Variants in RAB2A observed in about 807,000 individuals in gnomAD.
The protein encoded by RAB2A is ras-related protein Rab-2A.
A neutral mutation model predicts 32.5 loss-of-function variants in RAB2A; 7 were observed. That is an observed-to-expected ratio of 0.22 (90% CI 0.12 to 0.40). RAB2A has a LOEUF of 0.40. Ranked by LOEUF, RAB2A falls within the 10% of genes least tolerant of loss-of-function variation. The pLI, the probability that RAB2A is intolerant of heterozygous loss-of-function variation, is 1.00. For missense variants in RAB2A, 108 were observed against 260.7 expected, an observed-to-expected ratio of 0.41 and a Z score of 4.03; for synonymous variants, 79 against 85.2, an observed-to-expected ratio of 0.93 and a Z score of 0.40.
intron 1 of RAB2A, among the ~76,000 whole-genome samples, chr8:60,544,029 TC>T (rs1219930091): frequency 1.5e-5 from 2 of 133,484 alleles, no homozygotes; most frequent in Non-Finnish European, 3.1e-5. Flanking sequence ...GCCACTGCAC[TC>T]CAGCCTGGGT....
intron 1 of RAB2A, among the ~76,000 whole-genome samples, chr8:60,517,473 C>T (rs945667474): frequency 6.4e-4 from 97 of 152,180 alleles, no homozygotes; most frequent in Admixed American, 1.7e-3. Flanking sequence ...GCCAGTCTTG[C>T]AGCTGAGGGC....
chr8:60,584,954 C>T, intron 5 of RAB2A, 139 bp downstream of exon 5: 1 of 512,362 alleles, frequency 2.0e-6, no homozygotes, highest in South Asian at 4.3e-5. Flanking sequence ...TAAGGTGTTT[C>T]TTTTGATTTT....
chr8:60,583,706 C>G (rs1043452944), intron 3 of RAB2A, among the ~76,000 whole-genome samples: 3 of 152,180 alleles, frequency 2.0e-5, no homozygotes, highest in African/African-American at 7.2e-5. Flanking sequence ...TTCCAACAAC[C>G]TTTACACCAG....
chr8:60,564,367 CT>C, intron 2 of RAB2A, among the ~76,000 whole-genome samples: 1 of 152,288 alleles, frequency 6.6e-6, no homozygotes, highest in African/African-American at 2.4e-5. Flanking sequence ...GTTCTTTTTG[CT>C]TTCAGGCATC....
intron 6 of RAB2A, among the ~76,000 whole-genome samples, chr8:60,606,926 T>C (rs1804241554): frequency 6.6e-6 from 1 of 152,198 alleles, no homozygotes; most frequent in Admixed American, 6.5e-5. Flanking sequence ...CTGAAATGCC[T>C]AAAATTGGAA....
chr8:60,607,860 A>G (rs1242879883), intron 6 of RAB2A, among the ~76,000 whole-genome samples: 2 of 152,134 alleles, frequency 1.3e-5, no homozygotes, highest in East Asian at 3.8e-4. Flanking sequence ...CCATCTCATT[A>G]TATTCACCCT....
intron 6 of RAB2A, among the ~76,000 whole-genome samples, chr8:60,593,732 A>G (rs942796046): frequency 6.6e-6 from 1 of 152,176 alleles, no homozygotes; most frequent in Non-Finnish European, 1.5e-5. Flanking sequence ...AAATTGAATG[A>G]AAAAAAGATA....
chr8:60,620,657 G>T lies in RAB2A; in HGVS notation c.544-17G>T. The T allele has an allele frequency of 6.4e-7, 1 of 1,561,622 alleles. No homozygotes were observed. Among genetic ancestry groups the T allele is most frequent in the South Asian group, 1.1e-5 (1 of 90,100 alleles). ...ATTGTCTGGTCATATTTATTGTTCT[G>T]TTCTCTTTTATTTCAGGCAAATGGC... On this transcript the variant is annotated splice_polypyrimidine_tract_variant and intron_variant, in intron 7 of 7. Transcript: ENST00000262646.
At chr8:60,587,306 CAT>C (rs1315839676) in intron 5 of RAB2A, among the ~76,000 whole-genome samples, 1 of 152,006 alleles carries the variant, frequency 6.6e-6, no homozygotes, top group African/African-American at 2.4e-5. Context: ...AGTTAATAGT[CAT>C]ATGTAAAAAT....
intron 6 of RAB2A, among the ~76,000 whole-genome samples, chr8:60,594,815 A>G (rs903510111): frequency 6.6e-6 from 1 of 152,160 alleles, no homozygotes; most frequent in Non-Finnish European, 1.5e-5. Flanking sequence ...CATGAACTCA[A>G]CTTTTTTATG....
intron 3 of RAB2A, among the ~76,000 whole-genome samples, chr8:60,578,273 G>A (rs942622391): frequency 4.6e-5 from 7 of 152,174 alleles, no homozygotes; most frequent in Admixed American, 6.5e-5. Context: ...AAAAAGATAA[G>A]CATTTGAGTA....
intron 7 of RAB2A, among the ~76,000 whole-genome samples, chr8:60,619,654 C>T (rs1389305161): frequency 2.0e-5 from 3 of 152,146 alleles, no homozygotes; most frequent in African/African-American, 7.2e-5. Flanking sequence ...AAGGTGACAC[C>T]ATTCAGAGAC....
At chr8:60,593,384 C>T (rs1052977788) in intron 6 of RAB2A, among the ~76,000 whole-genome samples, 1 of 152,116 alleles carries the variant, frequency 6.6e-6, no homozygotes, top group African/African-American at 2.4e-5. Context: ...GAGAAACAGG[C>T]AACCTAGAAA....
intron 2 of RAB2A, among the ~76,000 whole-genome samples, chr8:60,570,624 TAATTTTTC>T (rs1437678332): frequency 6.6e-6 from 1 of 152,212 alleles, no homozygotes; most frequent in Non-Finnish European, 1.5e-5. Context: ...TTATGTGGCA[TAATTTTTC>T]AATTTTTCAT....
chr8:60,593,334 C>T (rs1803971615), intron 6 of RAB2A, among the ~76,000 whole-genome samples: 1 of 152,130 alleles, frequency 6.6e-6, no homozygotes, highest in African/African-American at 2.4e-5. Context: ...GATGATTTCC[C>T]TTGGTTTTCT....
At position 60,620,759 on chromosome 8, in the gene RAB2A, G is replaced by A; in HGVS notation, c.629G>A (p.Gly210Asp). The A allele has an allele frequency of 6.2e-7, 1 of 1,612,954 alleles. No homozygotes were observed. Among genetic ancestry groups the A allele is most frequent in the Non-Finnish European group, 8.5e-7 (1 of 1,179,628 alleles). Reference protein sequence around the residue: ...GNQGGQQAGGGCC With the variant: ...GNQGGQQAGGDCC Reference sequence around the variant, plus strand: ...CAGGGAGGACAGCAGGCTGGGGGCGGCTGCTGTTGAGTCTGTTTTTACTGT... The same window carrying A: ...CAGGGAGGACAGCAGGCTGGGGGCGACTGCTGTTGAGTCTGTTTTTACTGT... Residue 210 changes from glycine (G) to aspartate (D), a missense_variant, in exon 8 of 8, where the codon GGC becomes GAC. Coordinates refer to ENST00000262646, the MANE Select transcript of RAB2A (RefSeq NM_002865.3).
At chr8:60,527,939 C>T (rs1003382434) in intron 1 of RAB2A, among the ~76,000 whole-genome samples, 21 of 152,296 alleles carry the variant, frequency 1.4e-4, no homozygotes, top group African/African-American at 3.4e-4. Flanking sequence ...AGGAAAGGGA[C>T]ACTGGTTATC....
chr8:60,552,832 A>C (rs552215102), intron 1 of RAB2A: 4 of 152,204 alleles, frequency 2.6e-5, no homozygotes, highest in Non-Finnish European at 4.4e-5. Flanking sequence ...AATTTAGACA[A>C]GTTTTCTAGT....
intron 6 of RAB2A, among the ~76,000 whole-genome samples, chr8:60,601,691 T>C (rs1173466304): frequency 6.6e-6 from 1 of 152,200 alleles, no homozygotes; most frequent in Admixed American, 6.5e-5. Flanking sequence ...AAAGATGAAA[T>C]TGTACTAATA....
Sources: allele counts gnomAD v4.1 joint callset (sites outside exome capture counted in the v4.1 genomes callset), GRCh38; gene constraint gnomAD v4.1.1; transcripts MANE v1.5; gene names NCBI Gene and HGNC (gene_info 2026-07-23, HGNC 2026-07-21).